CTNNB1: variants seen among roughly 807,000 people sequenced by gnomAD.
CTNNB1 encodes catenin beta 1.
In CTNNB1, 6 loss-of-function variants were observed where a neutral mutation model predicts 82.5. The observed-to-expected ratio is 0.07, with a 90% CI of 0.04 to 0.14. CTNNB1 has a LOEUF of 0.14. CTNNB1 is among the 10% of genes least tolerant of loss of function. The pLI is 1.00. For synonymous variants in CTNNB1, 312 were observed against 329.7 expected (o/e 0.95, Z 0.58); for missense variants, 529 against 980.4 (o/e 0.54, Z 6.15).
At chr3:41,216,654 G>T (rs1229449989) in intron 1 of CTNNB1, among the ~76,000 whole-genome samples, 1 of 152,070 alleles carries the variant, frequency 6.6e-6, no homozygotes, top group African/African-American at 2.4e-5. Context: ...TAGCTTTTAT[G>T]CTTAGAAACA....
At chr3:41,227,518 T>C (rs1028585071) in intron 7 of CTNNB1, among the ~76,000 whole-genome samples, 166 bp downstream of exon 7, 2 of 152,204 alleles carry the variant, frequency 1.3e-5, no homozygotes, top group African/African-American at 4.8e-5. Flanking sequence ...GGATTGTAGC[T>C]AAATATTTAA....
At chr3:41,215,680 C>G (rs966587300) in intron 1 of CTNNB1, among the ~76,000 whole-genome samples, 3 of 152,202 alleles carry the variant, frequency 2.0e-5, no homozygotes, top group East Asian at 3.9e-4. Context: ...GAAACTCTTA[C>G]AACACGTCGA....
rs558092196 is a variant in CTNNB1 at position 41,207,907 on chromosome 3, C to T, written c.-49+8237C>T. Among the ~76,000 whole-genome samples, 3 of 152,312 alleles carry T rather than the reference C, an allele frequency of 2.0e-5. No homozygotes were observed. The East Asian group carries it at 5.8e-4, about 29-fold the overall frequency. On this transcript the variant is annotated intron_variant, in intron 1 of 14. Transcript: ENST00000349496. ...AACACTGAACTAGGAGGTGTGTGGA[C>T]TAAATGTCTGCTTTTGTTCCTTATT...
intron 1 of CTNNB1, among the ~76,000 whole-genome samples, chr3:41,220,244 A>T (rs971257240): frequency 6.6e-6 from 1 of 151,600 alleles, no homozygotes; most frequent in Non-Finnish European, 1.5e-5. Flanking sequence ...AAGATTTCAT[A>T]CTTCTAATAA....
rs1376703203 is a variant in CTNNB1, at chr3:41,238,044, C to T, written c.2105C>T (p.Ala702Val). 3.7e-6 allele frequency: 6 copies of T among 1,613,764 alleles called. No individual in the cohort carries two copies. The highest frequency in any genetic ancestry group is 1.1e-5 in the South Asian group (1 of 91,064). The change falls in exon 14 of 15, where the codon GCC (alanine) becomes GTC (valine). Residue 702 changes from alanine to valine, a missense_variant. By Grantham distance (64) the Ala-to-Val change is moderately conservative. Coordinates refer to ENST00000349496, the MANE Select transcript of CTNNB1 (RefSeq NM_001904.4). ...GCTGATCTTGGACTTGATATTGGTG[C>T]CCAGGGAGAACCCCTTGGATATCGC... ...ETADLGLDIG[A>V]QGEPLGYRQD...
chr3:41,217,202 A>G (rs2077934058), intron 1 of CTNNB1, among the ~76,000 whole-genome samples: 1 of 152,058 alleles, frequency 6.6e-6, no homozygotes, highest in African/African-American at 2.4e-5. Flanking sequence ...GTTCTGCCCC[A>G]TCTTTACGTG....
At chr3:41,229,939 A>G (rs2078268895) in intron 7 of CTNNB1, among the ~76,000 whole-genome samples, 1 of 150,978 alleles carries the variant, frequency 6.6e-6, no homozygotes, top group African/African-American at 2.4e-5. Context: ...GCTACCAAGC[A>G]TTTTTTCTCC....
chr3:41,202,626 T>C (rs114589838), intron 1 of CTNNB1, among the ~76,000 whole-genome samples: 224 of 152,334 alleles, frequency 1.5e-3, no homozygotes, highest in Non-Finnish European at 2.5e-3. Flanking sequence ...ATTGAGAAGA[T>C]ACTGATTTGC....
chr3:41,236,399 C>G lies in CTNNB1; in HGVS notation c.1854C>G (p.Leu618=). 2 of 1,614,184 alleles carry G rather than the reference C, an allele frequency of 1.2e-6. No homozygotes were observed. Among genetic ancestry groups the G allele is most frequent in the East Asian group, 2.2e-5 (1 of 44,894 alleles). ...ENIQRVAAGV[L]CELAQDKEAA... ...TCCAAAGAGTAGCTGCAGGGGTCCT[C>G]TGTGAACTTGCTCAGGACAAGGAAG... Residue 618 remains leucine, a synonymous_variant, in exon 12 of 15, where the codon CTC becomes CTG. Coordinates refer to ENST00000349496, the MANE Select transcript of CTNNB1 (RefSeq NM_001904.4).
At chr3:41,237,382 C>T (rs1204960787) in intron 13 of CTNNB1, 1 of 129,964 alleles carries the variant, frequency 7.7e-6, no homozygotes, top group Non-Finnish European at 1.5e-5. Flanking sequence ...GAGACGGGGG[C>T]AGGAGGATTG....
At chr3:41,200,114 T>A (rs773102058) in intron 1 of CTNNB1, 1 of 152,138 alleles carries the variant, frequency 6.6e-6, no homozygotes, top group African/African-American at 2.4e-5. Flanking sequence ...TGCGGCGAGT[T>A]GGGGTTCGGG....
intron 1 of CTNNB1, 135 bp from the exon 2 acceptor site, chr3:41,223,886 T>A (rs887763329): frequency 1.6e-6 from 1 of 644,442 alleles, no homozygotes; most frequent in African/African-American, 1.8e-5. Flanking sequence ...AGGTCTGCGT[T>A]TCACTAACCT....
At chr3:41,207,018 T>C (rs1374334168) in intron 1 of CTNNB1, among the ~76,000 whole-genome samples, 1 of 152,242 alleles carries the variant, frequency 6.6e-6, no homozygotes, top group East Asian at 1.9e-4. Flanking sequence ...TTGCTGAATT[T>C]TATTGTTTAG....
intron 1 of CTNNB1, among the ~76,000 whole-genome samples, chr3:41,219,581 T>C (rs1470014502): frequency 6.6e-6 from 1 of 152,178 alleles, no homozygotes; most frequent in Non-Finnish European, 1.5e-5. Flanking sequence ...CCCTGTAGGA[T>C]GGGCGGGTGA....
At chr3:41,233,046 G>A (rs2078347792) in intron 7 of CTNNB1, 1 of 491,712 alleles carries the variant, frequency 2.0e-6, no homozygotes. Context: ...TTGAATGGAT[G>A]AAAAGAAATG....
At chr3:41,202,401 C>G (rs1349524975) in intron 1 of CTNNB1, among the ~76,000 whole-genome samples, 3 of 152,164 alleles carry the variant, frequency 2.0e-5, no homozygotes. Context: ...ATTTGCAACT[C>G]TTTTGTAGTG....
Position 41,239,462 on chromosome 3 carries a change from C to A in CTNNB1, c.*120C>A. 1.2e-6 allele frequency: 1 copy of A among 840,160 alleles called. No homozygotes were observed. Among genetic ancestry groups the A allele is most frequent in the Non-Finnish European group, 1.9e-6 (1 of 513,944 alleles). The allele number at this position is 840,160 out of a possible 1,614,324, so 52.0% of individuals were successfully genotyped here. ...GGAGTGGTTTAGGCTATTTGTAAAT[C>A]TGCCACAAAAACAGGTATATACTTT... On this transcript the variant is annotated 3_prime_UTR_variant, in exon 15 of 15. Transcript: ENST00000349496.
intron 9 of CTNNB1, 33 bp downstream of exon 9, chr3:41,233,900 C>T (rs777223136): frequency 1.2e-6 from 2 of 1,604,516 alleles, no homozygotes; most frequent in Non-Finnish European, 1.7e-6. Flanking sequence ...ACCTTTGTTG[C>T]AGAATTGAAA....
rs1170350581 is a variant in CTNNB1 at position 41,234,819 on chromosome 3, T to TA, written c.1683+526dup. On this transcript the variant is annotated intron_variant, in intron 10 of 14. Transcript: ENST00000349496. ...AAGCTTTGATACAAAGTTTGTGTCT[T>TA]AAAAGTAGCTTCATTAAAAGTATAG... 2.3e-4 allele frequency: 39 copies of TA among 169,274 alleles called. No individual in the cohort carries two copies. In the East Asian group the frequency reaches 5.4e-3, roughly 23 times the overall value. 10.5% of individuals were successfully genotyped at this position (169,274 alleles called of 1,614,324 possible). A position where few individuals can be genotyped will look rare whatever the true frequency, so the allele number is the denominator to read the frequency against.
Sources: gnomAD v4.1 joint callset for allele counts (sites outside exome capture counted in the v4.1 genomes callset) on GRCh38, gnomAD v4.1.1 for gene constraint, MANE v1.5 for transcripts, NCBI Gene and HGNC (gene_info 2026-07-23, HGNC 2026-07-21) for gene names.